Variants in LVRN observed in about 807,000 individuals in gnomAD.
The protein encoded by LVRN is aminopeptidase Q.
In LVRN, 99 loss-of-function variants were observed where a neutral mutation model predicts 111.4. That is an observed-to-expected ratio of 0.89 (90% CI 0.76 to 1.05). The LOEUF is 1.05. LVRN is among the 50% of genes least tolerant of loss of function. The probability of loss-of-function intolerance (pLI) is 0.00; values close to 1 mark genes in which losing one functional copy is unlikely to be tolerated. For missense variants in LVRN, 1,414 were observed against 1,206.8 expected (o/e 1.17, Z -2.54); for synonymous variants, 488 against 449.5 (o/e 1.09, Z -1.08).
intron 4 of LVRN, among the ~76,000 whole-genome samples, chr5:115,989,279 G>A (rs1224785539): frequency 6.6e-6 from 1 of 152,146 alleles, no homozygotes; most frequent in Non-Finnish European, 1.5e-5. Flanking sequence ...GCTTTTGGCA[G>A]TTCCTGAGTG....
At chr5:115,994,063 A>T (rs116269680) in intron 6 of LVRN, among the ~76,000 whole-genome samples, 1,595 of 152,136 alleles carry the variant, frequency 0.01, 19 homozygotes, top group Middle Eastern at 0.041. Context: ...TGGGAATTAC[A>T]TAAAATTTTG....
chr5:116,001,482 G>T (rs1748239508), intron 10 of LVRN, among the ~76,000 whole-genome samples: 1 of 152,178 alleles, frequency 6.6e-6, no homozygotes, highest in South Asian at 2.1e-4. Flanking sequence ...CCAAGCTGTG[G>T]GCTATTGTGT....
chr5:115,974,872 C>G (rs1189465428), intron 1 of LVRN: 1 of 412,824 alleles, frequency 2.4e-6, no homozygotes, highest in Non-Finnish European at 4.9e-6. Flanking sequence ...TCTCTCCCGA[C>G]CAATCTCTCT....
intron 1 of LVRN, among the ~76,000 whole-genome samples, chr5:115,967,445 C>T (rs1753227179): frequency 6.6e-6 from 1 of 152,188 alleles, no homozygotes; most frequent in African/African-American, 2.4e-5. Flanking sequence ...CAGTTGGCCC[C>T]ACTATTACTG....
At chr5:116,001,280 G>A (rs370307332) in intron 10 of LVRN, 41 bp downstream of exon 10, 1 of 1,604,922 alleles carries the variant, frequency 6.2e-7, no homozygotes, top group Non-Finnish European at 8.5e-7. Flanking sequence ...CTTCCTTGGG[G>A]TTGAGCTCTG....
At chr5:116,019,243 A>G (rs1359952014) in intron 18 of LVRN, among the ~76,000 whole-genome samples, 1 of 152,226 alleles carries the variant, frequency 6.6e-6, no homozygotes, top group Non-Finnish European at 1.5e-5. Flanking sequence ...AATGTGCTAA[A>G]AGGCATTGTG....
intron 5 of LVRN, 142 bp from the exon 6 acceptor site, chr5:115,993,599 C>A: frequency 3.4e-6 from 2 of 587,922 alleles, no homozygotes; most frequent in South Asian, 2.4e-5. Context: ...TTTTTGGTGT[C>A]CTGTCTTCAA....
chr5:116,024,370 T>C (rs1442247655), intron 19 of LVRN, among the ~76,000 whole-genome samples: 1 of 152,040 alleles, frequency 6.6e-6, no homozygotes, highest in Non-Finnish European at 1.5e-5. Flanking sequence ...CATAAAGGCC[T>C]GAAATATGAT....
At chr5:116,005,764 C>T (rs1561565590) in intron 12 of LVRN, 148 bp from the exon 13 acceptor site, 2 of 706,926 alleles carry the variant, frequency 2.8e-6, no homozygotes, top group Admixed American at 4.0e-5. Flanking sequence ...GGGGACTGTC[C>T]TCAGTAATTG....
chr5:115,973,365 G>A (rs549488415), intron 1 of LVRN, among the ~76,000 whole-genome samples: 59 of 152,302 alleles, frequency 3.9e-4, no homozygotes, highest in African/African-American at 1.4e-3. Flanking sequence ...TGTAGTTGTA[G>A]TTTTCTTGCA....
At chr5:115,992,086 GAT>G (rs759426584) in intron 4 of LVRN, 35 bp from the exon 5 acceptor site, 1 of 1,543,792 alleles carries the variant, frequency 6.5e-7, no homozygotes, top group Non-Finnish European at 8.7e-7. Context: ...TTTTGGAAAA[GAT>G]TATTTTATTT....
intron 1 of LVRN, among the ~76,000 whole-genome samples, chr5:115,965,003 G>T (rs58134319): frequency 0.11 from 16,794 of 152,122 alleles, 1,098 homozygotes; most frequent in East Asian, 0.21. Flanking sequence ...AGCCCAGCAG[G>T]CCTGAGTTTG....
chr5:116,016,153 T>G (rs994432475), intron 18 of LVRN, among the ~76,000 whole-genome samples: 3 of 152,240 alleles, frequency 2.0e-5, no homozygotes, highest in South Asian at 4.1e-4. Flanking sequence ...TTAGTTTATA[T>G]TCAGCAGTTT....
chr5:116,007,641 G>A (rs906061341), intron 13 of LVRN, among the ~76,000 whole-genome samples: 10 of 152,120 alleles, frequency 6.6e-5, no homozygotes, highest in Admixed American at 5.9e-4. Context: ...TCAATGGTAG[G>A]CAAGTGCAGT....
At chr5:115,990,353 A>G (rs1307617772) in intron 4 of LVRN, among the ~76,000 whole-genome samples, 2 of 152,206 alleles carry the variant, frequency 1.3e-5, no homozygotes, top group South Asian at 2.1e-4. Context: ...TCAATTTTTG[A>G]TAATTAATGA....
chr5:115,990,122 T>A (rs1290742906), intron 4 of LVRN, among the ~76,000 whole-genome samples: 1 of 152,210 alleles, frequency 6.6e-6, no homozygotes, highest in Non-Finnish European at 1.5e-5. Context: ...ACCCCTTATA[T>A]AGAACAGTAT....
At chr5:116,002,055 T>C (rs1748248494) in intron 10 of LVRN, among the ~76,000 whole-genome samples, 1 of 152,192 alleles carries the variant, frequency 6.6e-6, no homozygotes, top group Non-Finnish European at 1.5e-5. Context: ...TCACCAAAAT[T>C]TTCAGATAGT....
chr5:115,970,644 C>A (rs969804151), intron 1 of LVRN, among the ~76,000 whole-genome samples: 7 of 152,140 alleles, frequency 4.6e-5, no homozygotes, highest in African/African-American at 1.7e-4. Context: ...CTTGGCCTCC[C>A]AAAGTGCTGG....
At chr5:116,000,127 C>A (rs1748207294) in intron 7 of LVRN, among the ~76,000 whole-genome samples, 1 of 152,194 alleles carries the variant, frequency 6.6e-6, no homozygotes, top group African/African-American at 2.4e-5. Context: ...TAGACTTTAA[C>A]AACTTGCTAC....
Sources: gnomAD v4.1 joint callset for allele counts (sites outside exome capture counted in the v4.1 genomes callset) on GRCh38, gnomAD v4.1.1 for gene constraint, MANE v1.5 for transcripts, NCBI Gene and HGNC (gene_info 2026-07-23, HGNC 2026-07-21) for gene names.